The following NIBAN1 variants were observed in gnomAD, a reference collection of about 807,000 sequenced individuals.
NIBAN1 encodes protein Niban 1.
A neutral mutation model predicts 75.1 loss-of-function variants in NIBAN1; 81 were observed. The observed-to-expected ratio is 1.08, with a 90% confidence interval of 0.90 to 1.30. The LOEUF (loss-of-function observed/expected upper bound fraction) is 1.30. Among genes scored for constraint, NIBAN1 ranks in the 50% most tolerant of loss-of-function variants. The pLI is 0.00. For synonymous variants in NIBAN1, 436 were observed against 424.8 expected (o/e 1.03, Z -0.32); for missense variants, 1,133 against 1,128.1 (o/e 1.00, Z -0.06).
intron 6 of NIBAN1, among the ~76,000 whole-genome samples, chr1:184,827,949 T>G: frequency 6.7e-6 from 1 of 148,880 alleles, no homozygotes; most frequent in Non-Finnish European, 1.5e-5. Flanking sequence ...ATGCGGGTAG[T>G]TTTGTTTTTT....
At chr1:184,960,867 T>G (rs973470237) in intron 1 of NIBAN1, among the ~76,000 whole-genome samples, 1 of 151,866 alleles carries the variant, frequency 6.6e-6, no homozygotes, top group Non-Finnish European at 1.5e-5. Context: ...TGACCTCAGG[T>G]GATCCACCTG....
intron 13 of NIBAN1, 36 bp from the exon 14 acceptor site, chr1:184,796,133 A>T: frequency 6.7e-7 from 1 of 1,487,460 alleles, no homozygotes; most frequent in Non-Finnish European, 8.9e-7. Flanking sequence ...TGATTTTCTG[A>T]TTTTATTGAG....
chr1:184,902,047 C>G (rs1002556860), intron 1 of NIBAN1, among the ~76,000 whole-genome samples: 1 of 152,102 alleles, frequency 6.6e-6, no homozygotes, highest in Non-Finnish European at 1.5e-5. Flanking sequence ...ATGTAGGGAT[C>G]CTAAGACTGA....
At chr1:184,866,644 G>C (rs1246757033) in intron 5 of NIBAN1, among the ~76,000 whole-genome samples, 1 of 151,984 alleles carries the variant, frequency 6.6e-6, no homozygotes, top group Non-Finnish European at 1.5e-5. Flanking sequence ...TTCCTGACCT[G>C]GTAAAAAATA....
In NIBAN1 at chr1:184,847,099, G is replaced by A. The variant is rs1358343838; in HGVS notation, c.602-15137C>T. Among the ~76,000 whole-genome samples the A allele has an allele frequency of 7.1e-5, 4 of 56,300 alleles. 1 individual carries two copies. The East Asian group carries it at 9.2e-4, about 13-fold the overall frequency. 36.9% of individuals were successfully genotyped at this position (56,300 alleles called of 152,430 possible). Reference sequence around the variant, plus strand: ...CCCCAATCTAGCAAGGCAGGCCAACGTTCAGATTCAGGAAATACAGAGAAT... The same window carrying A: ...CCCCAATCTAGCAAGGCAGGCCAACATTCAGATTCAGGAAATACAGAGAAT... On this transcript the variant is annotated intron_variant, in intron 5 of 13. Transcript: ENST00000367511.
intron 1 of NIBAN1, among the ~76,000 whole-genome samples, chr1:184,968,517 C>T (rs1295357109): frequency 6.6e-6 from 1 of 152,196 alleles, no homozygotes; most frequent in Non-Finnish European, 1.5e-5. Flanking sequence ...CCTGTTTCCT[C>T]CATCCCCACT....
intron 10 of NIBAN1, 26 bp from the exon 11 acceptor site, chr1:184,806,082 C>A (rs1242722950): frequency 6.3e-7 from 1 of 1,590,730 alleles, no homozygotes; most frequent in Admixed American, 1.7e-5. Flanking sequence ...GACACAGAAA[C>A]AGACAACAGT....
intron 1 of NIBAN1, among the ~76,000 whole-genome samples, chr1:184,960,447 C>A (rs1319198617): frequency 1.3e-5 from 2 of 152,154 alleles, no homozygotes; most frequent in Non-Finnish European, 2.9e-5. Flanking sequence ...ATTTTTTCTT[C>A]TCCTTTCATT....
intron 5 of NIBAN1, among the ~76,000 whole-genome samples, chr1:184,854,856 C>T (rs1655633401): frequency 6.6e-6 from 1 of 152,144 alleles, no homozygotes; most frequent in African/African-American, 2.4e-5. Context: ...TAACTCAATC[C>T]ATGGAACTAT....
intron 5 of NIBAN1, among the ~76,000 whole-genome samples, chr1:184,858,403 A>C (rs1474651927): frequency 6.6e-6 from 1 of 152,258 alleles, no homozygotes; most frequent in Non-Finnish European, 1.5e-5. Flanking sequence ...ATCAACGGAC[A>C]ATTCACATGA....
intron 5 of NIBAN1, among the ~76,000 whole-genome samples, chr1:184,832,767 G>A (rs1488390971): frequency 6.6e-6 from 1 of 152,152 alleles, no homozygotes; most frequent in Non-Finnish European, 1.5e-5. Context: ...CTACCACAAG[G>A]AATGAATATC....
chr1:184,974,429 C>T lies in NIBAN1; in HGVS notation c.-73G>A. 1 of 1,497,154 alleles carries T rather than the reference C, an allele frequency of 6.7e-7. No individual in the cohort carries two copies. Among genetic ancestry groups the T allele is most frequent in the Non-Finnish European group, 8.9e-7 (1 of 1,123,084 alleles). 92.7% of individuals were successfully genotyped at this position (1,497,154 alleles called of 1,614,324 possible). A position where few individuals can be genotyped will look rare whatever the true frequency, so the allele number is the denominator to read the frequency against. On this transcript the variant is annotated 5_prime_UTR_variant, in exon 1 of 14. Coordinates refer to ENST00000367511, the MANE Select transcript of NIBAN1 (RefSeq NM_052966.4). ...CGCTGCTAGCTCCTGGAGGTTGATC[C>T]GACGGCGAACCCGGCTCTGAAATTA...
chr1:184,808,030 C>T (rs1372396758), intron 10 of NIBAN1, 44 bp downstream of exon 10: 10 of 1,610,088 alleles, frequency 6.2e-6, no homozygotes, highest in African/African-American at 2.7e-5. Flanking sequence ...TTTCTCTGCT[C>T]TCTCTTTACC....
chr1:184,932,565 T>C (rs967737267), intron 1 of NIBAN1, among the ~76,000 whole-genome samples: 2 of 152,196 alleles, frequency 1.3e-5, no homozygotes, highest in Non-Finnish European at 2.9e-5. Context: ...CTTGCTCATC[T>C]GCTGCTCACC....
chr1:184,884,549 A>C (rs1034307692), intron 5 of NIBAN1, 84 bp downstream of exon 5: 210 of 1,536,630 alleles, frequency 1.4e-4, no homozygotes, highest in Non-Finnish European at 1.7e-4. Flanking sequence ...TCTAAGAATC[A>C]CTGCAATAGA....
intron 6 of NIBAN1, among the ~76,000 whole-genome samples, chr1:184,828,960 C>T (rs901124261): frequency 2.6e-4 from 39 of 152,064 alleles, no homozygotes; most frequent in African/African-American, 8.9e-4. Context: ...CTGTTCCCAG[C>T]TAATTTGTAC....
In NIBAN1 at chr1:184,968,944, T is replaced by C. The variant is rs189065432; in HGVS notation, c.55+5358A>G. On this transcript the variant is annotated intron_variant, in intron 1 of 13. Coordinates refer to ENST00000367511, the MANE Select transcript of NIBAN1 (RefSeq NM_052966.4). Reference sequence around the variant, plus strand: ...TGCTCCTTCTTGAAAGGACACCTCATGGTCCATGACAGCTGTCCAGCCATG... The same window carrying C: ...TGCTCCTTCTTGAAAGGACACCTCACGGTCCATGACAGCTGTCCAGCCATG... Among the ~76,000 whole-genome samples, 5 of 152,218 alleles carry C rather than the reference T, an allele frequency of 3.3e-5. No homozygotes were observed. In the East Asian group the frequency reaches 7.7e-4, roughly 23 times the overall value.
intron 6 of NIBAN1, among the ~76,000 whole-genome samples, chr1:184,831,088 G>T (rs775131468): frequency 3.9e-5 from 6 of 151,982 alleles, no homozygotes; most frequent in Non-Finnish European, 7.4e-5. Context: ...AAGCAGCCAT[G>T]TGACTGGTGT....
chr1:184,951,977 A>C (rs1658369112), intron 1 of NIBAN1, among the ~76,000 whole-genome samples: 1 of 152,000 alleles, frequency 6.6e-6, no homozygotes, highest in South Asian at 2.1e-4. Context: ...TCTCCCTACC[A>C]CCACCTCTAT....
Sources: gnomAD v4.1 joint callset for allele counts (sites outside exome capture counted in the v4.1 genomes callset) on GRCh38, gnomAD v4.1.1 for gene constraint, MANE v1.5 for transcripts, NCBI Gene and HGNC (gene_info 2026-07-23, HGNC 2026-07-21) for gene names.